STON2: variants seen among roughly 807,000 people sequenced by gnomAD.
The protein encoded by STON2 is stonin-2.
STON2 carries 29 observed loss-of-function variants against 65.7 expected under a neutral mutation model. The observed-to-expected ratio is 0.44, with a 90% CI of 0.33 to 0.60. STON2 has a LOEUF of 0.60. Ranked by LOEUF, STON2 falls within the 20% of genes least tolerant of loss-of-function variation. STON2 has a pLI of 0.03. For missense variants in STON2, 1,054 were observed against 1,118.1 expected, an observed-to-expected ratio of 0.94 and a Z score of 0.82; for synonymous variants, 404 against 414.2, an observed-to-expected ratio of 0.98 and a Z score of 0.30.
In STON2 at chr14:81,430,763, A is replaced by G. The variant is rs550717146; in HGVS notation, c.-309-3551T>C. Among the ~76,000 whole-genome samples, 4 of 152,342 alleles carry G rather than the reference A, an allele frequency of 2.6e-5. No individual in the cohort carries two copies. The South Asian group carries it at 8.3e-4, about 32-fold the overall frequency. On this transcript the variant is annotated intron_variant, in intron 1 of 8. Coordinates refer to the STON2 transcript ENST00000553821. The stretch of plus-strand genomic sequence containing the variant: ...TATGAGATATAAGCATTTATTTAAT[A>G]TAACTAGATAATAGAAGATAATATT...
rs201697281 is a variant in STON2 at position 81,372,667 on chromosome 14, T to TACC, written c.374-1485_374-1483dup. On this transcript the variant is annotated intron_variant, in intron 3 of 7. Coordinates refer to ENST00000614646, the MANE Select transcript of STON2 (RefSeq NM_001394390.1). The stretch of plus-strand genomic sequence containing the variant: ...CAGGAAGAATGAAAACAAGAGAAAC[T>TACC]ACCATGTATTGAGTACCCATCAAAT... 9.2e-3 allele frequency among the ~76,000 whole-genome samples: 1,402 copies of TACC among 151,810 alleles called. 15 individuals carry two copies. Among genetic ancestry groups the TACC allele is most frequent in the African/African-American group, 0.031 (1,265 of 41,398 alleles).
intron 1 of STON2, among the ~76,000 whole-genome samples, chr14:81,430,093 T>A (rs1483004159): frequency 5.3e-5 from 8 of 152,132 alleles, no homozygotes; most frequent in Non-Finnish European, 1.0e-4. Context: ...CCCTAAAGAC[T>A]ATGGTTCCCA....
chr14:81,384,758 G>C (rs1899711930), intron 3 of STON2, among the ~76,000 whole-genome samples: 1 of 152,134 alleles, frequency 6.6e-6, no homozygotes, highest in Admixed American at 6.5e-5. Context: ...CTTTCTTCTT[G>C]TCCTTCGGGA....
chr14:81,264,025 A>C lies in STON2; in HGVS notation c.*4389T>G, dbSNP rs771027099. 1.1e-5 allele frequency: 11 copies of C among 985,466 alleles called. No individual in the cohort carries two copies. Among genetic ancestry groups the C allele is most frequent in the Non-Finnish European group, 1.3e-5 (11 of 829,940 alleles). The allele number at this position is 985,466 out of a possible 1,614,324, so 61.0% of individuals were successfully genotyped here. A position where few individuals can be genotyped will look rare whatever the true frequency, so the allele number is the denominator to read the frequency against. On this transcript the variant is annotated 3_prime_UTR_variant, in exon 8 of 8. Coordinates refer to ENST00000614646, the MANE Select transcript of STON2 (RefSeq NM_001394390.1). ...TGCTGGAAGAACAAAGACCTACTGC[A>C]TGAAGACTGGTTGTGCACTCTATCA...
intron 1 of STON2, among the ~76,000 whole-genome samples, chr14:81,430,325 G>C (rs914564722): frequency 6.6e-6 from 1 of 152,218 alleles, no homozygotes; most frequent in Non-Finnish European, 1.5e-5. Context: ...GTCAGAGACT[G>C]AGCATAATAC....
At chr14:81,289,326 C>T (rs1009551497) in intron 5 of STON2, among the ~76,000 whole-genome samples, 4 of 151,950 alleles carry the variant, frequency 2.6e-5, no homozygotes, top group East Asian at 3.9e-4. Flanking sequence ...GGAATTGCCA[C>T]GGAAGGTAAA....
chr14:81,303,876 G>A lies in STON2; in HGVS notation c.742+20141C>T, dbSNP rs184232936. ...GCATATACAGAAAAGTGCACATATC[G>A]TAGCTCCATATATTTTCACAGTTGA... On this transcript the variant is annotated intron_variant, in intron 5 of 7. Transcript: ENST00000614646. Among the ~76,000 whole-genome samples, 58 of 152,216 alleles carry A rather than the reference G, an allele frequency of 3.8e-4. 1 individual carries two copies. The highest frequency in any genetic ancestry group is 3.1e-3 in the Admixed American group (48 of 15,296).
chr14:81,385,403 G>C (rs1169317576), intron 3 of STON2, among the ~76,000 whole-genome samples: 1 of 152,124 alleles, frequency 6.6e-6, no homozygotes, highest in Non-Finnish European at 1.5e-5. Context: ...AAAAATATAG[G>C]TGTAGTTGTG....
chr14:81,270,292 C>T (rs760258876), intron 7 of STON2: 6 of 862,966 alleles, frequency 7.0e-6, no homozygotes, highest in Non-Finnish European at 8.8e-6. Context: ...GCCATGTTGG[C>T]CAGGCTGGTC....
intron 4 of STON2, among the ~76,000 whole-genome samples, chr14:81,351,048 A>T (rs1327981668): frequency 1.3e-5 from 2 of 152,194 alleles, no homozygotes; most frequent in Non-Finnish European, 2.9e-5. Flanking sequence ...GATTATTTGA[A>T]ATGCTATCTA....
At chr14:81,434,159 C>T (rs972534666) in intron 1 of STON2, among the ~76,000 whole-genome samples, 2 of 152,188 alleles carry the variant, frequency 1.3e-5, no homozygotes, top group African/African-American at 4.8e-5. Context: ...CTTAGAACAA[C>T]TTCTAAGAAA....
chr14:81,269,800 C>A, intron 7 of STON2: 1 of 985,354 alleles, frequency 1.0e-6, no homozygotes, highest in South Asian at 4.7e-5. Context: ...ATTTCTAACT[C>A]CCCAGGAAAG....
intron 5 of STON2, among the ~76,000 whole-genome samples, chr14:81,297,158 TGCCTCCAAGACAAGTAGTG>T (rs1895793830): frequency 6.6e-6 from 1 of 152,204 alleles, no homozygotes; most frequent in Admixed American, 6.5e-5. Flanking sequence ...CTACCACCGC[TGCCTCCAAGACAAGTAGTG>T]GCCTGGCTGA....
At chr14:81,420,335 T>A (rs1316636613) in intron 2 of STON2, among the ~76,000 whole-genome samples, 2 of 152,174 alleles carry the variant, frequency 1.3e-5, no homozygotes, top group Non-Finnish European at 2.9e-5. Context: ...AAAGAGATGA[T>A]CTAATAGGTC....
At chr14:81,412,932 CCGTTG>C (rs1485789733) in intron 2 of STON2, 3 of 737,002 alleles carry the variant, frequency 4.1e-6, no homozygotes, top group Non-Finnish European at 6.8e-6. Context: ...CCCCAGGAGA[CCGTTG>C]CAGTCAGCCA....
chr14:81,402,748 G>A (rs1179619741), upstream of STON2, among the ~76,000 whole-genome samples: 1 of 152,128 alleles, frequency 6.6e-6, no homozygotes, highest in East Asian at 1.9e-4. Flanking sequence ...AGCCCCTCAT[G>A]ATCTCTCACG....
At position 81,262,847 on chromosome 14, in the gene STON2, G is replaced by C. The variant is rs1047419660; in HGVS notation, c.*5567C>G. 1.2e-5 allele frequency: 12 copies of C among 984,998 alleles called. No homozygotes were observed. In the African/African-American group the frequency reaches 2.1e-4, roughly 17 times the overall value. The allele number at this position is 984,998 out of a possible 1,614,324, so 61.0% of individuals were successfully genotyped here. Reference sequence around the variant, plus strand: ...ACATACATTTGTTTTCTACATTTGTGGTTGCCTTATACATCTCCTTCACGT... The same window carrying C: ...ACATACATTTGTTTTCTACATTTGTCGTTGCCTTATACATCTCCTTCACGT... On this transcript the variant is annotated 3_prime_UTR_variant, in exon 8 of 8. Transcript: ENST00000614646.
intron 2 of STON2, among the ~76,000 whole-genome samples, chr14:81,410,277 C>T (rs76903403): frequency 0.07 from 2,722 of 38,898 alleles, 41 homozygotes; most frequent in African/African-American, 0.23. Context: ...GTAACTCTAA[C>T]CAAAAAAAAA....
Position 81,340,593 on chromosome 14 carries a change from C to T in STON2, c.572-16406G>A, listed in dbSNP as rs951699649. ...AGAGCTGGACCACATTTTCCAGCCCCGCTGGCAGTAAGCTGTGGCCAGGCC... is the reference window on the plus strand; with the variant it reads ...AGAGCTGGACCACATTTTCCAGCCCTGCTGGCAGTAAGCTGTGGCCAGGCC... On this transcript the variant is annotated intron_variant, in intron 4 of 7. Transcript: ENST00000614646. Among the ~76,000 whole-genome samples, 5 of 152,152 alleles carry T rather than the reference C, an allele frequency of 3.3e-5. No homozygotes were observed. In the South Asian group the frequency reaches 8.3e-4, roughly 25 times the overall value.
Sources: allele counts gnomAD v4.1 joint callset (sites outside exome capture counted in the v4.1 genomes callset), GRCh38; gene constraint gnomAD v4.1.1; transcripts MANE v1.5; gene names NCBI Gene and HGNC (gene_info 2026-07-23, HGNC 2026-07-21).